The following GBE1 variants were observed in gnomAD, a reference collection of about 807,000 sequenced individuals.
The protein encoded by GBE1 is 1,4-alpha-glucan-branching enzyme.
In GBE1, 70 loss-of-function variants were observed where a neutral mutation model predicts 88.8. That is an observed-to-expected ratio of 0.79 (90% confidence interval 0.65 to 0.96). The LOEUF is 0.96. Ranked by LOEUF, GBE1 falls within the 40% of genes least tolerant of loss-of-function variation. GBE1 has a pLI of 0.00. For synonymous variants in GBE1, 284 were observed against 300.1 expected, an observed-to-expected ratio of 0.95 and a Z score of 0.56; for missense variants, 872 against 871.0, an observed-to-expected ratio of 1.00 and a Z score of -0.01.
At chr3:81,726,611 C>A (rs1362398664) in intron 1 of GBE1, among the ~76,000 whole-genome samples, 1 of 140,992 alleles carries the variant, frequency 7.1e-6, no homozygotes, top group Admixed American at 7.4e-5. Context: ...GAGATGGAGT[C>A]TCTGTCTGTC....
At chr3:81,502,006 T>C (rs1702592916) in intron 14 of GBE1, among the ~76,000 whole-genome samples, 1 of 151,832 alleles carries the variant, frequency 6.6e-6, no homozygotes, top group African/African-American at 2.4e-5. Context: ...CTTTTTTTTT[T>C]TTTTTCTCTT....
rs1005120295 is a variant in GBE1, at chr3:81,629,916, T to C, written c.992+12865A>G. On this transcript the variant is annotated intron_variant, in intron 7 of 15. Coordinates refer to ENST00000429644, the MANE Select transcript of GBE1 (RefSeq NM_000158.4). ...GGTGTGTGATCTTCCCCTTCCTGTG[T>C]CCATGTGTTCTCATTGTTCAATTCC... 8.7e-5 allele frequency among the ~76,000 whole-genome samples: 13 copies of C among 148,704 alleles called. No individual in the cohort carries two copies. In the East Asian group the frequency reaches 2.0e-3, roughly 23 times the overall value.
intron 10 of GBE1, among the ~76,000 whole-genome samples, chr3:81,585,770 G>A (rs1703795119): frequency 6.6e-6 from 1 of 152,144 alleles, no homozygotes; most frequent in Admixed American, 6.6e-5. Context: ...AATGAATGCT[G>A]TAATGAAGTC....
rs889747220 is a variant in GBE1 at position 81,530,891 on chromosome 3, G to C, written c.1934+4304C>G. ...CAAGTGGTGCATCCTGCCAGGCCTGGGTCCTTCCCTTTAGGGCAGTATGTT... is the reference window on the plus strand; with the variant it reads ...CAAGTGGTGCATCCTGCCAGGCCTGCGTCCTTCCCTTTAGGGCAGTATGTT... On this transcript the variant is annotated intron_variant, in intron 14 of 15. Transcript: ENST00000429644. Among the ~76,000 whole-genome samples the C allele has an allele frequency of 9.9e-5, 15 of 151,812 alleles. No homozygotes were observed. The Middle Eastern group carries it at 0.01, about 104-fold the overall frequency.
In GBE1 at chr3:81,537,021, G is replaced by T. The variant is rs552094593; in HGVS notation, c.1693C>A (p.Arg565=). ...GNNESYHYAR[R]QFHLTDDDLL... is the part of the protein sequence containing the mutation. ...TCGTCGTCAGTTAAATGAAACTGCC[G>T]CCTGGCATAATGGTAACTCTCATTA... is the stretch of plus-strand genomic sequence containing the variant. The change falls in exon 13 of 16, where the codon CGG becomes AGG. Residue 565 remains arginine (R), a synonymous_variant. Transcript: ENST00000429644. 1.9e-6 allele frequency: 3 copies of T among 1,586,462 alleles called. No individual in the cohort carries two copies. Among genetic ancestry groups the T allele is most frequent in the Middle Eastern group, 1.7e-4 (1 of 6,004 alleles).
chr3:81,724,075 G>T (rs1706074891), intron 1 of GBE1, among the ~76,000 whole-genome samples: 1 of 152,046 alleles, frequency 6.6e-6, no homozygotes, highest in Non-Finnish European at 1.5e-5. Context: ...ACCCCATCAA[G>T]AACTGGGCAG....
At chr3:81,693,902 G>C (rs1031834891) in intron 2 of GBE1, among the ~76,000 whole-genome samples, 12 of 152,226 alleles carry the variant, frequency 7.9e-5, no homozygotes, top group Non-Finnish European at 7.4e-5. Context: ...AAAAAAGGAA[G>C]AGAATAAAAC....
At chr3:81,624,141 AG>A in intron 7 of GBE1, among the ~76,000 whole-genome samples, 1 of 152,318 alleles carries the variant, frequency 6.6e-6, no homozygotes, top group East Asian at 1.9e-4. Context: ...AGAGGAAGCA[AG>A]GCACCTTCTT....
At chr3:81,714,328 T>C (rs1244374303) in intron 1 of GBE1, among the ~76,000 whole-genome samples, 1 of 152,190 alleles carries the variant, frequency 6.6e-6, no homozygotes, top group Non-Finnish European at 1.5e-5. Context: ...CTAATCCTAC[T>C]GCTTACCAAC....
At chr3:81,709,721 TTAAC>T (rs1220863865) in intron 1 of GBE1, among the ~76,000 whole-genome samples, 4 of 152,158 alleles carry the variant, frequency 2.6e-5, no homozygotes, top group African/African-American at 9.7e-5. Context: ...TTATATTACT[TTAAC>T]TAAGTATCTT....
intron 12 of GBE1, among the ~76,000 whole-genome samples, chr3:81,565,558 G>A (rs909551182): frequency 1.9e-4 from 29 of 152,102 alleles, no homozygotes; most frequent in African/African-American, 7.0e-4. Context: ...CTGTGGCTTT[G>A]GGGAGAATGT....
At chr3:81,622,616 A>G (rs1238343460) in intron 7 of GBE1, among the ~76,000 whole-genome samples, 1 of 152,130 alleles carries the variant, frequency 6.6e-6, no homozygotes, top group Non-Finnish European at 1.5e-5. Flanking sequence ...CAATATTTCC[A>G]CTTACATAGC....
intron 7 of GBE1, among the ~76,000 whole-genome samples, chr3:81,609,817 T>C (rs964348230): frequency 6.6e-6 from 1 of 152,178 alleles, no homozygotes; most frequent in Admixed American, 6.6e-5. Context: ...TATTAGAACA[T>C]TTTAGTGCAG....
intron 14 of GBE1, among the ~76,000 whole-genome samples, chr3:81,531,788 T>C (rs1703014188): frequency 6.6e-6 from 1 of 152,078 alleles, no homozygotes; most frequent in Non-Finnish European, 1.5e-5. Flanking sequence ...ACACCAGGAC[T>C]TGCTTAGGAA....
intron 12 of GBE1, among the ~76,000 whole-genome samples, chr3:81,565,523 T>C (rs765474546): frequency 6.6e-6 from 1 of 152,196 alleles, no homozygotes; most frequent in Non-Finnish European, 1.5e-5. Flanking sequence ...GACTGACACT[T>C]AGGACAAAAT....
rs937533688 is a variant in GBE1 at position 81,733,347 on chromosome 3, G to A, written c.144-27734C>T. On this transcript the variant is annotated intron_variant, in intron 1 of 15. Transcript: ENST00000429644. This position sits in a 1 kb window ranked among gnomAD's most constrained non-coding sequence, Gnocchi z 4.0. ...GGGCTCCCACCAATTCTACATTATG[G>A]TGAGTTGTATAATTATTTCATTATA... is the stretch of plus-strand genomic sequence containing the variant. Among the ~76,000 whole-genome samples the A allele has an allele frequency of 4.6e-5, 7 of 151,898 alleles. No homozygotes were observed. The highest frequency in any genetic ancestry group is 1.7e-4 in the African/African-American group (7 of 41,344).
chr3:81,759,645 A>C (rs1015552962), intron 1 of GBE1, among the ~76,000 whole-genome samples: 1 of 152,242 alleles, frequency 6.6e-6, no homozygotes, highest in East Asian at 1.9e-4. Flanking sequence ...TCCGGGTCAG[A>C]GTGAGGCATG....
intron 2 of GBE1, among the ~76,000 whole-genome samples, chr3:81,674,659 A>C (rs760710513): frequency 6.6e-6 from 1 of 152,014 alleles, no homozygotes; most frequent in Non-Finnish European, 1.5e-5. Context: ...CTACTACAGA[A>C]TATAATTGAA....
Position 81,761,502 on chromosome 3 carries a change from T to G in GBE1, c.16A>C (p.Thr6Pro). 3 of 1,605,804 alleles carry G rather than the reference T, an allele frequency of 1.9e-6. No homozygotes were observed. Among genetic ancestry groups the G allele is most frequent in the Non-Finnish European group, 2.5e-6 (3 of 1,177,500 alleles). Residue 6 changes from threonine to proline, a missense_variant, in exon 1 of 16, where the codon ACT becomes CCT. Physicochemically the swap from Thr to Pro is conservative, Grantham distance 38 (BLOSUM62 -1). Coordinates refer to ENST00000429644, the MANE Select transcript of GBE1 (RefSeq NM_000158.4). ...TAGTCCTCGGGCCGAGCCGCGGGAG[T>G]CATCGGAGCCGCCATATTCCGCCGC... MAAPM[T>P]PAARPEDYEA...
Sources: allele counts gnomAD v4.1 joint callset (sites outside exome capture counted in the v4.1 genomes callset), GRCh38; gene constraint gnomAD v4.1.1; non-coding constraint Gnocchi (gnomAD v3.1); transcripts MANE v1.5; gene names NCBI Gene and HGNC (gene_info 2026-07-23, HGNC 2026-07-21).